Variants in DNAJC10 observed in about 807,000 individuals in gnomAD.
DNAJC10 encodes the protein DnaJ heat shock protein family (Hsp40) member C10, also known as endoplasmic reticulum disulfide reductase DNAJC10.
DNAJC10 carries 101 observed loss-of-function variants against 115.0 expected under a neutral mutation model. That is an observed-to-expected ratio of 0.88 (90% CI 0.75 to 1.04). The LOEUF (loss-of-function observed/expected upper bound fraction) is 1.04. DNAJC10 is among the 50% of genes least tolerant of loss of function. The pLI, the probability that DNAJC10 is intolerant of heterozygous loss-of-function variation, is 0.00. For synonymous variants in DNAJC10, 307 were observed against 301.5 expected (o/e 1.02, Z -0.19); for missense variants, 981 against 928.8 (o/e 1.06, Z -0.73).
intron 16 of DNAJC10, 132 bp from the exon 17 acceptor site, chr2:182,754,871 T>C: frequency 7.6e-7 from 1 of 1,318,676 alleles, no homozygotes; most frequent in Non-Finnish European, 1.0e-6. Flanking sequence ...GAGACTAAAA[T>C]TTTTGTCACC....
At chr2:182,775,239 A>G (rs767222391) in intron 22 of DNAJC10, 77 bp from the exon 23 acceptor site, 1 of 928,956 alleles carries the variant, frequency 1.1e-6, no homozygotes, top group Non-Finnish European at 1.7e-6. Flanking sequence ...TTGAAAGCAT[A>G]TTTAATCAAG....
At chr2:182,733,421 G>T (rs953527733) in intron 10 of DNAJC10, among the ~76,000 whole-genome samples, 2 of 151,544 alleles carry the variant, frequency 1.3e-5, no homozygotes. Context: ...ATCACCTGAG[G>T]AGCTTTTAAA....
In DNAJC10 at chr2:182,787,644, G is replaced by A. The variant is rs1204114986; in HGVS notation, c.*10512G>A. 2 of 152,320 alleles carry A rather than the reference G, an allele frequency of 1.3e-5. No homozygotes were observed. Among genetic ancestry groups the A allele is most frequent in the Non-Finnish European group, 2.9e-5 (2 of 68,174 alleles). 9.4% of individuals were successfully genotyped at this position (152,320 alleles called of 1,614,324 possible). A position where few individuals can be genotyped will look rare whatever the true frequency, so the allele number is the denominator to read the frequency against. ...ACTTAGAGGCAAAGAATGAGGCCAG[G>A]TGCGGTGGCTCACACCTGTAACTCC... On this transcript the variant is annotated 3_prime_UTR_variant, in exon 24 of 24. Transcript: ENST00000264065.
chr2:182,791,733 A>T lies in DNAJC10; in HGVS notation c.*14601A>T, dbSNP rs912397365. 2 of 152,138 alleles carry T rather than the reference A, an allele frequency of 1.3e-5. No homozygotes were observed. The highest frequency in any genetic ancestry group is 2.9e-5 in the Non-Finnish European group (2 of 68,000). 9.4% of individuals were successfully genotyped at this position (152,138 alleles called of 1,614,324 possible). A position where few individuals can be genotyped will look rare whatever the true frequency, so the allele number is the denominator to read the frequency against. On this transcript the variant is annotated 3_prime_UTR_variant, in exon 24 of 24. Transcript: ENST00000264065. ...GTATACAACATTTTATAACACTCTA[A>T]TGTGGATAAGACACCTCAAAAACAG...
In DNAJC10 at chr2:182,730,365, A is replaced by C. The variant is rs550502441; in HGVS notation, c.727+424A>C. The stretch of plus-strand genomic sequence containing the variant: ...TTAGGCAGATTAAGCTAATAATAGT[A>C]TTTGTGGCTCAAGATGTTCATTTTA... On this transcript the variant is annotated intron_variant, in intron 8 of 23. Transcript: ENST00000264065. Among the ~76,000 whole-genome samples, 46 of 152,320 alleles carry C rather than the reference A, an allele frequency of 3.0e-4. No individual in the cohort carries two copies. In the East Asian group the frequency reaches 8.7e-3, roughly 29 times the overall value.
chr2:182,731,286 T>G (rs762234436), intron 9 of DNAJC10, among the ~76,000 whole-genome samples, 179 bp downstream of exon 9: 3 of 152,122 alleles, frequency 2.0e-5, no homozygotes, highest in Non-Finnish European at 4.4e-5. Flanking sequence ...CATGAGGTTA[T>G]TATTCATTTT....
chr2:182,788,715 A>C lies in DNAJC10; in HGVS notation c.*11583A>C, dbSNP rs1694994611. 2 of 427,568 alleles carry C rather than the reference A, an allele frequency of 4.7e-6. No individual in the cohort carries two copies. The highest frequency in any genetic ancestry group is 3.4e-5 in the South Asian group (2 of 58,276). The allele number at this position is 427,568 out of a possible 1,614,324, so 26.5% of individuals were successfully genotyped here. ...AGCACAAGTAACGTCTATTTATCTC[A>C]GAGGAAATCCAGGGAAGTTCCTACT... On this transcript the variant is annotated 3_prime_UTR_variant, in exon 24 of 24. Coordinates refer to ENST00000264065, the MANE Select transcript of DNAJC10 (RefSeq NM_018981.4).
chr2:182,750,995 A>C (rs898104071), intron 14 of DNAJC10, among the ~76,000 whole-genome samples: 1 of 152,186 alleles, frequency 6.6e-6, no homozygotes, highest in African/African-American at 2.4e-5. Context: ...TCATAAGAGA[A>C]GTCTAGGTTG....
intron 11 of DNAJC10, among the ~76,000 whole-genome samples, chr2:182,737,708 T>C (rs1378250533): frequency 6.6e-6 from 1 of 152,220 alleles, no homozygotes; most frequent in Non-Finnish European, 1.5e-5. Context: ...GTCTCAAATT[T>C]AAATGCCTAT....
At chr2:182,768,274 TCA>T (rs1160102972) in intron 22 of DNAJC10, among the ~76,000 whole-genome samples, 2 of 152,166 alleles carry the variant, frequency 1.3e-5, no homozygotes, top group African/African-American at 2.4e-5. Context: ...GCTCTATTTC[TCA>T]GTTTTCAGAA....
In DNAJC10 at chr2:182,788,645, G is replaced by C. The variant is rs1694993310; in HGVS notation, c.*11513G>C. ...CCGTCTGTAAGTGATGGTCATATTT[G>C]TGTTCTTTTGTCCCAGAGAACAAAA... On this transcript the variant is annotated 3_prime_UTR_variant, in exon 24 of 24. Transcript: ENST00000264065. 6 of 330,542 alleles carry C rather than the reference G, an allele frequency of 1.8e-5. 1 individual carries two copies. The Middle Eastern group carries it at 1.9e-3, about 107-fold the overall frequency. 20.5% of individuals were successfully genotyped at this position (330,542 alleles called of 1,614,324 possible).
intron 6 of DNAJC10, 42 bp from the exon 7 acceptor site, chr2:182,728,821 A>G (rs1693358906): frequency 1.2e-6 from 2 of 1,610,140 alleles, no homozygotes; most frequent in Non-Finnish European, 1.7e-6. Context: ...AGGGAAGAAA[A>G]GTGGTCTTAT....
intron 16 of DNAJC10, among the ~76,000 whole-genome samples, chr2:182,753,235 C>T (rs760164453): frequency 3.3e-5 from 5 of 151,860 alleles, no homozygotes; most frequent in Admixed American, 6.6e-5. Flanking sequence ...TATATGAATA[C>T]GCGAGAGTTT....
At chr2:182,724,804 G>A (rs1025760084) in intron 5 of DNAJC10, among the ~76,000 whole-genome samples, 1 of 152,170 alleles carries the variant, frequency 6.6e-6, no homozygotes, top group Non-Finnish European at 1.5e-5. Context: ...CCATTGAGCT[G>A]TGATGATACA....
intron 22 of DNAJC10, among the ~76,000 whole-genome samples, chr2:182,765,901 TATAATGGATTCAA>T (rs1450879787): frequency 2.6e-5 from 4 of 152,236 alleles, no homozygotes; most frequent in Non-Finnish European, 5.9e-5. Flanking sequence ...GGTTTAAAGT[TATAATGGATTCAA>T]ATAAATGACC....
intron 10 of DNAJC10, among the ~76,000 whole-genome samples, chr2:182,734,920 C>T (rs989825689): frequency 6.6e-6 from 1 of 151,424 alleles, no homozygotes; most frequent in Non-Finnish European, 1.5e-5. Context: ...CCATTTTTTA[C>T]TGTCACCCTT....
chr2:182,787,035 C>G lies in DNAJC10; in HGVS notation c.*9903C>G, dbSNP rs1694960123. The G allele has an allele frequency of 6.6e-6, 1 of 152,444 alleles. No individual in the cohort carries two copies. The highest frequency in any genetic ancestry group is 6.5e-5 in the Admixed American group (1 of 15,290). The allele number at this position is 152,444 out of a possible 1,614,324, so 9.4% of individuals were successfully genotyped here. On this transcript the variant is annotated 3_prime_UTR_variant, in exon 24 of 24. Coordinates refer to ENST00000264065, the MANE Select transcript of DNAJC10 (RefSeq NM_018981.4). ...AGGCCCTCACCAGGCACTCAATCTGCCAGCACTTTGATAGTGGACTTCCCA... is the reference window on the plus strand; with the variant it reads ...AGGCCCTCACCAGGCACTCAATCTGGCAGCACTTTGATAGTGGACTTCCCA...
intron 15 of DNAJC10, 54 bp from the exon 16 acceptor site, chr2:182,752,018 G>A (rs1694033504): frequency 1.4e-6 from 2 of 1,387,634 alleles, no homozygotes; most frequent in African/African-American, 1.4e-5. Flanking sequence ...GAAATGATGG[G>A]GGGGTTTTTT....
At chr2:182,739,769 TATA>T in intron 11 of DNAJC10, 1 of 1,000,094 alleles carries the variant, frequency 1.0e-6, no homozygotes, top group Non-Finnish European at 1.2e-6. Flanking sequence ...TGAAAACCTC[TATA>T]ATGAGCAAAA....
Sources: gnomAD v4.1 joint callset for allele counts (sites outside exome capture counted in the v4.1 genomes callset) on GRCh38, gnomAD v4.1.1 for gene constraint, MANE v1.5 for transcripts, NCBI Gene and HGNC (gene_info 2026-07-23, HGNC 2026-07-21) for gene names.